PEAK1: variants seen among roughly 807,000 people sequenced by gnomAD.
PEAK1 encodes the protein inactive tyrosine-protein kinase PEAK1.
PEAK1 carries 54 observed loss-of-function variants against 124.7 expected under a neutral mutation model. The observed-to-expected ratio is 0.43, with a 90% confidence interval of 0.35 to 0.54. The LOEUF (loss-of-function observed/expected upper bound fraction) is 0.54, where lower values mean the gene tolerates loss of function less well. Ranked by LOEUF, PEAK1 falls within the 20% of genes least tolerant of loss-of-function variation. The pLI is 0.01. For missense variants in PEAK1, 2,046 were observed against 2,134.5 expected, an observed-to-expected ratio of 0.96 and a Z score of 0.82; for synonymous variants, 719 against 760.0, an observed-to-expected ratio of 0.95 and a Z score of 0.89.
chr15:77,365,707 T>G (rs2068178328), intron 1 of PEAK1, among the ~76,000 whole-genome samples: 1 of 136,338 alleles, frequency 7.3e-6, no homozygotes, highest in African/African-American at 2.8e-5. Flanking sequence ...GCCACTGCAC[T>G]GCAGCATGGG....
chr15:77,114,081 G>C lies in PEAK1; in HGVS notation c.*75C>G, dbSNP rs1272730390. 1 of 1,448,904 alleles carries C rather than the reference G, an allele frequency of 6.9e-7. No individual in the cohort carries two copies. Among genetic ancestry groups the C allele is most frequent in the Non-Finnish European group, 9.5e-7 (1 of 1,049,210 alleles). 89.8% of individuals were successfully genotyped at this position (1,448,904 alleles called of 1,614,324 possible). A position where few individuals can be genotyped will look rare whatever the true frequency, so the allele number is the denominator to read the frequency against. On this transcript the variant is annotated 3_prime_UTR_variant, in exon 10 of 10. Transcript: ENST00000682557. ...TTTCTTCTTTCCTTGAATTTGGAGT[G>C]AGCACTAGGGAGGGGAAGTGCATGG...
intron 6 of PEAK1, among the ~76,000 whole-genome samples, chr15:77,242,689 G>A (rs1334983089): frequency 6.6e-6 from 1 of 152,090 alleles, no homozygotes; most frequent in Non-Finnish European, 1.5e-5. Context: ...GGCAGTAGTT[G>A]CAGGTATGGT....
intron 2 of PEAK1, among the ~76,000 whole-genome samples, chr15:77,302,440 G>A (rs1567231700): frequency 6.6e-6 from 1 of 152,050 alleles, no homozygotes; most frequent in East Asian, 1.9e-4. Flanking sequence ...CACTACAACA[G>A]TGAAAAACGT....
In PEAK1 at chr15:77,274,810, T is replaced by C. The variant is rs1040025585; in HGVS notation, c.-275+9073A>G. Among the ~76,000 whole-genome samples, 23 of 152,120 alleles carry C rather than the reference T, an allele frequency of 1.5e-4. 1 individual carries two copies. Among genetic ancestry groups the C allele is most frequent in the Admixed American group, 1.5e-3 (23 of 15,278 alleles). ...CCATTTGATCCAACAATCCCACTCC[T>C]GGATATCTATTCAGAGGAAAAAAAA... On this transcript the variant is annotated intron_variant, in intron 5 of 9. Transcript: ENST00000682557.
At chr15:77,401,431 C>T (rs1220000328) in intron 1 of PEAK1, 1 of 817,778 alleles carries the variant, frequency 1.2e-6, no homozygotes, top group Admixed American at 6.2e-5. Flanking sequence ...TCAACATTTT[C>T]CTAGAAATGA....
intron 6 of PEAK1, among the ~76,000 whole-genome samples, chr15:77,182,749 CAAAAAAAA>C (rs71143395): frequency 1.5e-5 from 1 of 65,142 alleles, no homozygotes; most frequent in Non-Finnish European, 2.7e-5. Flanking sequence ...GACCTTGTCT[CAAAAAAAA>C]AAAAAAAAAA....
chr15:77,249,883 T>C (rs982566622), intron 6 of PEAK1, among the ~76,000 whole-genome samples: 1 of 152,090 alleles, frequency 6.6e-6, no homozygotes, highest in African/African-American at 2.4e-5. Flanking sequence ...CAGGGAAATC[T>C]GATCACTTTC....
Position 77,263,962 on chromosome 15 carries a change from C to A in PEAK1, c.-274-11436G>T, listed in dbSNP as rs149021581. 8.9e-3 allele frequency among the ~76,000 whole-genome samples: 1,360 copies of A among 152,286 alleles called. 8 individuals carry two copies. Among genetic ancestry groups the A allele is most frequent in the Non-Finnish European group, 0.012 (796 of 68,018 alleles). The stretch of plus-strand genomic sequence containing the variant: ...CAAGGCTGGTTCAACATACGCAAAT[C>A]AATAAACATAATCCAGCATATAAAC... On this transcript the variant is annotated intron_variant, in intron 5 of 9. Transcript: ENST00000682557.
At chr15:77,390,871 T>C (rs1018093960) in intron 1 of PEAK1, among the ~76,000 whole-genome samples, 3 of 152,176 alleles carry the variant, frequency 2.0e-5, no homozygotes, top group African/African-American at 7.2e-5. Context: ...AACTGTCAAC[T>C]TTTCCTGGGG....
At chr15:77,346,178 A>G in intron 2 of PEAK1, 1 of 974,890 alleles carries the variant, frequency 1.0e-6, no homozygotes. Context: ...AAATTATTAA[A>G]TCTACCCTTT....
Position 77,179,365 on chromosome 15 carries a change from A to T in PEAK1, c.2562T>A (p.Ser854=). 1.2e-6 allele frequency: 2 copies of T among 1,613,760 alleles called. No homozygotes were observed. Among genetic ancestry groups the T allele is most frequent in the Admixed American group, 3.3e-5 (2 of 59,974 alleles). The change falls in exon 7 of 10, where the codon TCT becomes TCA. Residue 854 remains serine (S), a synonymous_variant. Transcript: ENST00000682557. ...GGGGGCTAGTCACTAATTTGGAGGG[A>T]GAGGGGGTGACTGGCTTTATGGATG... ...KDPSIKPVTP[S]PSKLVTSPQS...
chr15:77,286,629 C>T (rs947545625), intron 2 of PEAK1, 125 bp from the exon 3 acceptor site: 3 of 455,738 alleles, frequency 6.6e-6, no homozygotes, highest in Non-Finnish European at 1.1e-5. Flanking sequence ...ATTTGATGAA[C>T]TTATTTTTAA....
At position 77,309,336 on chromosome 15, in the gene PEAK1, A is replaced by C. The variant is rs116792327; in HGVS notation, c.-602-22832T>G. Among the ~76,000 whole-genome samples the C allele has an allele frequency of 5.0e-3, 768 of 152,224 alleles. 9 individuals are homozygous for C. Among genetic ancestry groups the C allele is most frequent in the African/African-American group, 0.017 (716 of 41,564 alleles). ...TGCTTTTGACTCTCCTAATTGAAGC[A>C]AGTAGTAAATCTGTATTCTGCACAG... On this transcript the variant is annotated intron_variant, in intron 2 of 9. Transcript: ENST00000682557.
At chr15:77,391,947 T>C (rs1339924116) in intron 1 of PEAK1, among the ~76,000 whole-genome samples, 2 of 152,244 alleles carry the variant, frequency 1.3e-5, no homozygotes, top group Non-Finnish European at 2.9e-5. Flanking sequence ...GATGAACCAT[T>C]AGAAATACTT....
chr15:77,311,683 C>CCCAA (rs2064459713), intron 2 of PEAK1, among the ~76,000 whole-genome samples: 1 of 44,798 alleles, frequency 2.2e-5, no homozygotes, highest in African/African-American at 8.1e-5. Flanking sequence ...CCCCAACCCC[C>CCCAA]ACAAAAAAAA....
intron 7 of PEAK1, among the ~76,000 whole-genome samples, chr15:77,159,856 A>G (rs2055476338): frequency 1.3e-5 from 2 of 152,196 alleles, no homozygotes; most frequent in Non-Finnish European, 2.9e-5. Context: ...GAAATTATGC[A>G]TGTGCCTGGA....
chr15:77,419,554 G>T, intron 1 of PEAK1: 1 of 985,162 alleles, frequency 1.0e-6, no homozygotes, highest in East Asian at 1.1e-4. Context: ...CCGGGTGCGG[G>T]AGCGGGCTGA....
At chr15:77,209,193 GA>G (rs2058796645) in intron 6 of PEAK1, among the ~76,000 whole-genome samples, 1 of 151,954 alleles carries the variant, frequency 6.6e-6, no homozygotes, top group African/African-American at 2.4e-5. Context: ...TAATATAAAA[GA>G]AAAAAATTGT....
intron 8 of PEAK1, among the ~76,000 whole-genome samples, chr15:77,142,707 T>C (rs1286374858): frequency 6.6e-6 from 1 of 152,204 alleles, no homozygotes; most frequent in Non-Finnish European, 1.5e-5. Context: ...GAAAACATTA[T>C]GCTAAGTGAG....
Sources: allele counts gnomAD v4.1 joint callset (sites outside exome capture counted in the v4.1 genomes callset), GRCh38; gene constraint gnomAD v4.1.1; transcripts MANE v1.5; gene names NCBI Gene and HGNC (gene_info 2026-07-23, HGNC 2026-07-21).